The following SCARF1 variants were observed in gnomAD, a reference collection of about 807,000 sequenced individuals.
SCARF1 encodes the protein acetyl LDL receptor.
SCARF1 carries 49 observed loss-of-function variants against 76.3 expected under a neutral mutation model. That is an observed-to-expected ratio of 0.64 (90% CI 0.51 to 0.81). The LOEUF (loss-of-function observed/expected upper bound fraction) is 0.81, where lower values mean the gene tolerates loss of function less well. Among genes scored for constraint, SCARF1 ranks in the 40% least tolerant of loss-of-function variants. SCARF1 has a pLI of 0.00. For missense variants in SCARF1, 1,098 were observed against 1,143.9 expected, an observed-to-expected ratio of 0.96 and a Z score of 0.58; for synonymous variants, 495 against 474.6, an observed-to-expected ratio of 1.04 and a Z score of -0.56.
chr17:1,635,741 G>T, intron 10 of SCARF1, 124 bp from the exon 11 acceptor site: 1 of 1,228,100 alleles, frequency 8.1e-7, no homozygotes, highest in Non-Finnish European at 1.1e-6. Flanking sequence ...AGGATGAGGA[G>T]AGTGGCAGAA....
intron 4 of SCARF1, 82 bp downstream of exon 4, chr17:1,643,360 C>G: frequency 2.6e-6 from 1 of 378,440 alleles, no homozygotes; most frequent in Non-Finnish European, 3.8e-6. Context: ...CGCCCCGCCC[C>G]CCTGTCTCCG....
Position 1,644,038 on chromosome 17 carries a change from C to T in SCARF1, c.266-71G>A. 1 of 1,187,326 alleles carries T rather than the reference C, an allele frequency of 8.4e-7. No homozygotes were observed. Among genetic ancestry groups the T allele is most frequent in the African/African-American group, 1.6e-5 (1 of 63,298 alleles). 73.5% of individuals were successfully genotyped at this position (1,187,326 alleles called of 1,614,324 possible). The stretch of plus-strand genomic sequence containing the variant: ...GCAGACCCTTACCCTGCGTCCCCTT[C>T]CTCAAGGAAAAGGGGCGCTGGGCCC... On this transcript the variant is annotated intron_variant, in intron 3 of 10. Transcript: ENST00000263071. The surrounding 1 kb of genome is among the most constrained non-coding windows in gnomAD (Gnocchi z 4.8).
In SCARF1 at chr17:1,635,066, G is replaced by A; in HGVS notation, c.2185C>T (p.Pro729Ser). Residue 729 changes from proline (P) to serine (S), a missense_variant, in exon 11 of 11, where the codon CCT becomes TCT. Coordinates refer to ENST00000263071, the MANE Select transcript of SCARF1 (RefSeq NM_003693.4). ...TTCAGGGCCTGGCGCGGAGGCTTAG[G>A]GATGGCCCTCTTGACCTTGGCTTCC... ...QAEAKVKRAI[P>S]KPPRQALNRK... The A allele has an allele frequency of 6.2e-7, 1 of 1,614,002 alleles. No individual in the cohort carries two copies. The highest frequency in any genetic ancestry group is 8.5e-7 in the Non-Finnish European group (1 of 1,179,960).
Position 1,645,021 on chromosome 17 carries a change from T to A in SCARF1, c.164-86A>T, listed in dbSNP as rs189303615. ...TCTCACTGGCTCCAGGGGCCATGCC[T>A]CCTCAAGAGGTGCCCCTTCAGGCCT... On this transcript the variant is annotated intron_variant, in intron 2 of 10. Coordinates refer to ENST00000263071, the MANE Select transcript of SCARF1 (RefSeq NM_003693.4). This position sits in a 1 kb window ranked among gnomAD's most constrained non-coding sequence, Gnocchi z 6.3. The A allele has an allele frequency of 1.3e-6, 2 of 1,536,564 alleles. No homozygotes were observed. The highest frequency in any genetic ancestry group is 1.8e-6 in the Non-Finnish European group (2 of 1,123,938).
At chr17:1,636,895 C>T (rs778644424) in intron 9 of SCARF1, 40 bp from the exon 10 acceptor site, 2 of 1,613,834 alleles carry the variant, frequency 1.2e-6, no homozygotes, top group Non-Finnish European at 1.7e-6. Flanking sequence ...GGACCTGATG[C>T]AAAGCCCTGT....
At position 1,635,305 on chromosome 17, in the gene SCARF1, G is replaced by A. The variant is rs777980552; in HGVS notation, c.1946C>T (p.Ala649Val). ...EEAEAPESFP[A>V]AASPGDSATG... ...GGCTGAATCCCCGGGACTGGCAGCC[G>A]CCGGAAAGGACTCGGGGGCTTCTGC... Residue 649 changes from alanine to valine, a missense_variant, in exon 11 of 11, where the codon GCG becomes GTG. Ala to Val is a moderately conservative substitution (Grantham distance 64, BLOSUM62 0). Coordinates refer to ENST00000263071, the MANE Select transcript of SCARF1 (RefSeq NM_003693.4). 3.0e-5 allele frequency: 49 copies of A among 1,612,042 alleles called. No individual in the cohort carries two copies. The highest frequency in any genetic ancestry group is 4.5e-5 in the East Asian group (2 of 44,868).
In SCARF1 at chr17:1,634,440, G is replaced by A. The variant is rs1391582578; in HGVS notation, c.*318C>T. 1 of 398,462 alleles carries A rather than the reference G, an allele frequency of 2.5e-6. No homozygotes were observed. Among genetic ancestry groups the A allele is most frequent in the Non-Finnish European group, 4.4e-6 (1 of 226,798 alleles). The allele number at this position is 398,462 out of a possible 1,614,324, so 24.7% of individuals were successfully genotyped here. Reference sequence around the variant, plus strand: ...CCAATCTTTTATCAGCAAACATGTAGGTTGTTTGCTATTTCAGAAAAATGT... The same window carrying A: ...CCAATCTTTTATCAGCAAACATGTAAGTTGTTTGCTATTTCAGAAAAATGT... On this transcript the variant is annotated 3_prime_UTR_variant, in exon 11 of 11. Transcript: ENST00000263071.
In SCARF1 at chr17:1,644,836, G is replaced by C; in HGVS notation, c.263C>G (p.Ser88Cys). Residue 88 changes from serine (S) to cysteine (C), a missense_variant and splice_region_variant, in exon 3 of 11, where the codon TCC becomes TGC. Physicochemically the swap from Ser to Cys is moderately radical, Grantham distance 112 (BLOSUM62 -1). Coordinates refer to ENST00000263071, the MANE Select transcript of SCARF1 (RefSeq NM_003693.4). The surrounding 1 kb of genome is among the most constrained non-coding windows in gnomAD (Gnocchi z 4.8). Reference protein sequence around the residue: ...KPGFFGAHCSSRCPGQYWGPD... With the variant: ...KPGFFGAHCSCRCPGQYWGPD... ...TTCATCTGGCCCTTGAGACTCACGG[G>C]AGCTGCAGTGGGCCCCAAAGAATCC... 1 of 1,612,162 alleles carries C rather than the reference G, an allele frequency of 6.2e-7. No individual in the cohort carries two copies. The highest frequency in any genetic ancestry group is 1.3e-5 in the African/African-American group (1 of 75,030).
At position 1,633,965 on chromosome 17, in the gene SCARF1, T is replaced by C. The variant is rs1368422085; in HGVS notation, c.*793A>G. 1 of 152,218 alleles carries C rather than the reference T, an allele frequency of 6.6e-6. No homozygotes were observed. The highest frequency in any genetic ancestry group is 2.4e-5 in the African/African-American group (1 of 41,454). 9.4% of individuals were successfully genotyped at this position (152,218 alleles called of 1,614,324 possible). ...AACAAAAGTAAAAAAGAATGTTCAC[T>C]GTAGAAAATTTGCAAACTATACAAA... On this transcript the variant is annotated 3_prime_UTR_variant, in exon 11 of 11. Coordinates refer to ENST00000263071, the MANE Select transcript of SCARF1 (RefSeq NM_003693.4).
chr17:1,643,889 G>A lies in SCARF1; in HGVS notation c.344C>T (p.Thr115Met). 7.6e-7 allele frequency: 1 copy of A among 1,317,528 alleles called. No homozygotes were observed. 81.6% of individuals were successfully genotyped at this position (1,317,528 alleles called of 1,614,324 possible). A position where few individuals can be genotyped will look rare whatever the true frequency, so the allele number is the denominator to read the frequency against. Residue 115 changes from threonine to methionine, a missense_variant, in exon 4 of 11, where the codon ACG becomes ATG. By Grantham distance (81) the Thr-to-Met change is moderately conservative (BLOSUM62 -1). Coordinates refer to ENST00000263071, the MANE Select transcript of SCARF1 (RefSeq NM_003693.4). ...CHPHGQCEPA[T>M]GACQCQADRW... ...GTCGGCCTGGCACTGGCACGCGCCC[G>A]TGGCTGGCTCGCACTGGCCGTGCGG...
intron 8 of SCARF1, 33 bp from the exon 9 acceptor site, chr17:1,637,095 CAT>C: frequency 3.1e-6 from 5 of 1,605,916 alleles, no homozygotes; most frequent in Non-Finnish European, 4.3e-6. Context: ...CTGGTCAGTA[CAT>C]GAGACCCACG....
chr17:1,640,692 A>G lies in SCARF1; in HGVS notation c.792-26T>C. ...CTGGGAAGAGAAGGGCTTCGTGGGA[A>G]CAGTGGGGGTGGATGGATGGAGCGC... On this transcript the variant is annotated intron_variant, in intron 4 of 10. Transcript: ENST00000263071. The surrounding 1 kb of genome is among the most constrained non-coding windows in gnomAD (Gnocchi z 4.7). 3 of 1,597,848 alleles carry G rather than the reference A, an allele frequency of 1.9e-6. No individual in the cohort carries two copies. Among genetic ancestry groups the G allele is most frequent in the Admixed American group, 1.7e-5 (1 of 59,028 alleles).
Position 1,643,642 on chromosome 17 carries a change from G to A in SCARF1, c.591C>T (p.His197=). 2 of 1,472,038 alleles carry A rather than the reference G, an allele frequency of 1.4e-6. No homozygotes were observed. The highest frequency in any genetic ancestry group is 1.8e-6 in the Non-Finnish European group (2 of 1,119,234). The allele number at this position is 1,472,038 out of a possible 1,614,324, so 91.2% of individuals were successfully genotyped here. A position where few individuals can be genotyped will look rare whatever the true frequency, so the allele number is the denominator to read the frequency against. The change falls in exon 4 of 11, where the codon CAC becomes CAT. Residue 197 remains histidine (H), a synonymous_variant. Coordinates refer to ENST00000263071, the MANE Select transcript of SCARF1 (RefSeq NM_003693.4). Reference sequence around the variant, plus strand: ...CGGAGTCCTGCTCGCACGGGGAGCCGTGGCAGTTGCAGCGGAAGCTGCAGC... The same window carrying A: ...CGGAGTCCTGCTCGCACGGGGAGCCATGGCAGTTGCAGCGGAAGCTGCAGC... ...GRRCSFRCNC[H]GSPCEQDSGR...
At position 1,638,718 on chromosome 17, in the gene SCARF1, C is replaced by T. The variant is rs1210078245; in HGVS notation, c.1364+88G>A. ...TGACCCACGTGGGCAACAAGGCCAG[C>T]CCTCCCCACCCCACAAGGAAACCAG... On this transcript the variant is annotated intron_variant, in intron 8 of 10. Transcript: ENST00000263071. 20 of 1,421,072 alleles carry T rather than the reference C, an allele frequency of 1.4e-5. 1 individual carries two copies. The highest frequency in any genetic ancestry group is 1.8e-5 in the Non-Finnish European group (19 of 1,074,132). The allele number at this position is 1,421,072 out of a possible 1,614,324, so 88.0% of individuals were successfully genotyped here.
rs755601059 is a variant in SCARF1, at chr17:1,636,804, G to C, written c.1538C>G (p.Pro513Arg). ...VPFNHSFIEP[P>R]SAGWATDDSF... ...GTCATCAGTGGCCCAGCCGGCAGAG[G>C]GCGGCTCGATGAAGCTGTGGTTGAA... Residue 513 changes from proline (P) to arginine (R), a missense_variant, in exon 10 of 11, where the codon CCC (proline) becomes CGC (arginine). Pro to Arg is a moderately radical substitution (Grantham distance 103). Coordinates refer to ENST00000263071, the MANE Select transcript of SCARF1 (RefSeq NM_003693.4). 15 of 1,613,816 alleles carry C rather than the reference G, an allele frequency of 9.3e-6. No homozygotes were observed. In the African/African-American group the frequency reaches 1.6e-4, roughly 17 times the overall value.
rs1257058946 is a variant in SCARF1, at chr17:1,638,949, A to G, written c.1244-23T>C. On this transcript the variant is annotated intron_variant, in intron 7 of 10. Coordinates refer to ENST00000263071, the MANE Select transcript of SCARF1 (RefSeq NM_003693.4). ...AGCCTGGGGGAGCCAGAAACGGGGG[A>G]TATTCAGGCCTTCCTGTCTCCTACA... The G allele has an allele frequency of 5.7e-6, 9 of 1,567,836 alleles. No individual in the cohort carries two copies. The South Asian group carries it at 9.5e-5, about 17-fold the overall frequency.
chr17:1,643,490 C>A lies in SCARF1; in HGVS notation c.743G>T (p.Cys248Phe). 1 of 1,334,508 alleles carries A rather than the reference C, an allele frequency of 7.5e-7. No homozygotes were observed. Among genetic ancestry groups the A allele is most frequent in the South Asian group, 2.0e-5 (1 of 51,036 alleles). 82.7% of individuals were successfully genotyped at this position (1,334,508 alleles called of 1,614,324 possible). ...TCPPGFRGAR[C>F]ELPCPAGSHG... Reference sequence around the variant, plus strand: ...GCTGCCTGCCGGGCAGGGCAGCTCGCAGCGCGCTCCGCGGAAGCCGGGCGG... The same window carrying A: ...GCTGCCTGCCGGGCAGGGCAGCTCGAAGCGCGCTCCGCGGAAGCCGGGCGG... Residue 248 changes from cysteine to phenylalanine, a missense_variant, in exon 4 of 11, where the codon TGC becomes TTC. Coordinates refer to ENST00000263071, the MANE Select transcript of SCARF1 (RefSeq NM_003693.4).
At chr17:1,639,427 C>T (rs1020050453) in intron 7 of SCARF1, among the ~76,000 whole-genome samples, 1 of 151,516 alleles carries the variant, frequency 6.6e-6, no homozygotes, top group Non-Finnish European at 1.5e-5. Flanking sequence ...ATGGCTTGAA[C>T]CTGGGAGGTG....
In SCARF1 at chr17:1,643,449, C is replaced by A. The variant is rs539273842; in HGVS notation, c.784G>T (p.Ala262Ser). 7.1e-4 allele frequency: 897 copies of A among 1,270,594 alleles called. 6 individuals are homozygous for A. The African/African-American group carries it at 9.6e-3, about 14-fold the overall frequency. The allele number at this position is 1,270,594 out of a possible 1,614,324, so 78.7% of individuals were successfully genotyped here. Residue 262 changes from alanine to serine, a missense_variant, in exon 4 of 11, where the codon GCA (alanine) becomes TCA (serine). Ala to Ser is a moderately conservative substitution (Grantham distance 99). Coordinates refer to ENST00000263071, the MANE Select transcript of SCARF1 (RefSeq NM_003693.4). ...CCCGCCCCGCCCGCTCACCTGTGTGCGCACTGCACCCCGTGGCTGCCTGCC... is the reference window on the plus strand; with the variant it reads ...CCCGCCCCGCCCGCTCACCTGTGTGAGCACTGCACCCCGTGGCTGCCTGCC... Reference protein sequence around the residue: ...CPAGSHGVQCAHSCGRCKHNE... With the variant: ...CPAGSHGVQCSHSCGRCKHNE...
Sources: allele counts gnomAD v4.1 joint callset (sites outside exome capture counted in the v4.1 genomes callset), GRCh38; gene constraint gnomAD v4.1.1; non-coding constraint Gnocchi (gnomAD v3.1); transcripts MANE v1.5; gene names NCBI Gene and HGNC (gene_info 2026-07-23, HGNC 2026-07-21).